USP28: variants seen among roughly 807,000 people sequenced by gnomAD.
The protein encoded by USP28 is ubiquitin specific peptidase 28.
USP28 carries 113 observed loss-of-function variants against 145.0 expected under a neutral mutation model. The ratio of observed to expected loss-of-function variants is 0.78; its 90% CI spans 0.67 to 0.91. The LOEUF (loss-of-function observed/expected upper bound fraction) is 0.91. Ranked by LOEUF, USP28 falls within the 40% of genes least tolerant of loss-of-function variation. USP28 has a pLI of 0.00. For missense variants in USP28, 1,201 were observed against 1,289.6 expected (o/e 0.93, Z 1.05); for synonymous variants, 447 against 450.9 (o/e 0.99, Z 0.11).
At chr11:113,809,438 G>A (rs1378883966) in intron 16 of USP28, among the ~76,000 whole-genome samples, 184 bp from the exon 17 acceptor site, 1 of 152,138 alleles carries the variant, frequency 6.6e-6, no homozygotes, top group Middle Eastern at 3.2e-3. Flanking sequence ...AACTGTTTTG[G>A]ACTTCAAATT....
chr11:113,811,770 G>GA (rs963617539), intron 16 of USP28, among the ~76,000 whole-genome samples: 32 of 145,464 alleles, frequency 2.2e-4, no homozygotes, highest in African/African-American at 2.8e-4. Context: ...GATGGGGCAA[G>GA]AAAAAAAAAA....
intron 14 of USP28, among the ~76,000 whole-genome samples, chr11:113,814,946 G>C (rs940456325): frequency 6.6e-6 from 1 of 152,000 alleles, no homozygotes; most frequent in Non-Finnish European, 1.5e-5. Context: ...CAGCTACTTG[G>C]GAGGCTGAGC....
At chr11:113,875,459 C>T in exon 1 of USP28, 1 of 1,243,528 alleles carries the variant, frequency 8.0e-7, no homozygotes. Context: ...CCGTGGCCGT[C>T]TGCCGCGCCG....
chr11:113,875,048 C>A (rs957028020), intron 1 of USP28, among the ~76,000 whole-genome samples: 1 of 152,148 alleles, frequency 6.6e-6, no homozygotes, highest in South Asian at 2.1e-4. Flanking sequence ...TTTAAAAACG[C>A]CGCCATAAAA....
At position 113,874,528 on chromosome 11, in the gene USP28, T is replaced by C. The variant is rs1017070440; in HGVS notation, c.57+917A>G. 15 of 1,288,694 alleles carry C rather than the reference T, an allele frequency of 1.2e-5. No individual in the cohort carries two copies. The African/African-American group carries it at 1.2e-4, about 10-fold the overall frequency. 79.8% of individuals were successfully genotyped at this position (1,288,694 alleles called of 1,614,324 possible). Reference sequence around the variant, plus strand: ...AAAAGGATTCTCACCTGAGGGTATCTGTCTGCCAGCTTTGTACGACAAATA... The same window carrying C: ...AAAAGGATTCTCACCTGAGGGTATCCGTCTGCCAGCTTTGTACGACAAATA... On this transcript the variant is annotated intron_variant, in intron 1 of 24. Transcript: ENST00000003302.
At chr11:113,854,285 G>C in exon 2 of USP28, 2 of 1,614,108 alleles carry the variant, frequency 1.2e-6, no homozygotes, top group Non-Finnish European at 1.7e-6. Context: ...GAAAGGAAGG[G>C]TCCTGAATGC....
chr11:113,849,347 C>T (rs1279442217), intron 3 of USP28, among the ~76,000 whole-genome samples: 2 of 152,152 alleles, frequency 1.3e-5, no homozygotes, highest in African/African-American at 4.8e-5. Flanking sequence ...TGGACAACAT[C>T]CTATTTGGAA....
intron 1 of USP28, among the ~76,000 whole-genome samples, chr11:113,863,492 A>T (rs1947919557): frequency 6.6e-6 from 1 of 151,796 alleles, no homozygotes; most frequent in Admixed American, 6.6e-5. Flanking sequence ...AGAAAACACA[A>T]AAATTAGTCG....
At chr11:113,801,862 G>A (rs568856300) in intron 23 of USP28, among the ~76,000 whole-genome samples, 184 bp from the exon 25 acceptor site, 5 of 152,160 alleles carry the variant, frequency 3.3e-5, no homozygotes, top group Admixed American at 2.0e-4. Flanking sequence ...TTAGATGACC[G>A]GGACACTGGG....
At chr11:113,839,996 G>A (rs982537538) in intron 5 of USP28, among the ~76,000 whole-genome samples, 1 of 152,160 alleles carries the variant, frequency 6.6e-6, no homozygotes, top group Non-Finnish European at 1.5e-5. Flanking sequence ...GGGCAACAGA[G>A]CGAGACACTG....
In USP28 at chr11:113,831,011, C is replaced by T. The variant is rs533853603; in HGVS notation, c.834-68G>A. On this transcript the variant is annotated intron_variant, in intron 8 of 24. Coordinates refer to ENST00000003302, the Ensembl canonical transcript of USP28. The stretch of plus-strand genomic sequence containing the variant: ...AGATATGTGCTACATAAAATCCAAG[C>T]ATCATTCAAAAGCAAAAATAGTGCA... 4 of 1,567,682 alleles carry T rather than the reference C, an allele frequency of 2.6e-6. No individual in the cohort carries two copies. In the East Asian group the frequency reaches 9.0e-5, roughly 35 times the overall value.
intron 8 of USP28, 31 bp downstream of exon 8, chr11:113,831,889 A>C (rs1299892496): frequency 1.2e-6 from 2 of 1,600,580 alleles, no homozygotes; most frequent in East Asian, 4.5e-5. Context: ...TGTGAGTCGG[A>C]AGGATGTACA....
chr11:113,848,677 C>T (rs1946136837), intron 3 of USP28, among the ~76,000 whole-genome samples: 1 of 152,178 alleles, frequency 6.6e-6, no homozygotes, highest in South Asian at 2.1e-4. Context: ...ATCTTTTCTA[C>T]TTGATTGTAT....
At chr11:113,841,918 T>C (rs570414339) in intron 3 of USP28, 150 bp from the exon 4 acceptor site, 9 of 458,676 alleles carry the variant, frequency 2.0e-5, no homozygotes, top group South Asian at 4.1e-5. Context: ...CATAGTCAAA[T>C]GAGTAACTTC....
intron 1 of USP28, among the ~76,000 whole-genome samples, chr11:113,860,464 C>T (rs545851839): frequency 7.0e-6 from 1 of 143,730 alleles, no homozygotes; most frequent in Non-Finnish European, 1.5e-5. Context: ...AAAGAAAAAA[C>T]AAAAAACAAA....
chr11:113,874,449 A>AAAATTT, intron 1 of USP28: 1 of 856,410 alleles, frequency 1.2e-6, no homozygotes, highest in Non-Finnish European at 1.6e-6. Context: ...AAAAAAAAAA[A>AAAATTT]GTGTCTCCAT....
chr11:113,805,474 T>G (rs1310265844), intron 19 of USP28, among the ~76,000 whole-genome samples: 1 of 152,086 alleles, frequency 6.6e-6, no homozygotes, highest in Non-Finnish European at 1.5e-5. Context: ...CAGGCTGGTC[T>G]CAAACTCCTG....
chr11:113,832,866 G>A (rs552529661), intron 7 of USP28, among the ~76,000 whole-genome samples: 17 of 152,176 alleles, frequency 1.1e-4, no homozygotes, highest in African/African-American at 4.1e-4. Context: ...AAACTCCTGG[G>A]TTCCAGGGAT....
chr11:113,850,658 A>G (rs1393324513), intron 3 of USP28, among the ~76,000 whole-genome samples: 1 of 152,152 alleles, frequency 6.6e-6, no homozygotes, highest in Non-Finnish European at 1.5e-5. Context: ...TGGCTTCCAG[A>G]GTCCCATTCT....
Sources: allele counts gnomAD v4.1 joint callset (sites outside exome capture counted in the v4.1 genomes callset), GRCh38; gene constraint gnomAD v4.1.1; transcripts MANE v1.5; gene names NCBI Gene and HGNC (gene_info 2026-07-23, HGNC 2026-07-21).